Variants in SPATA12 observed in about 807,000 individuals in gnomAD.
SPATA12 encodes the protein spermatogenesis-associated protein 12.
For synonymous variants in SPATA12, 85 were observed against 89.2 expected (o/e 0.95, Z 0.26); for missense variants, 219 against 226.4 (o/e 0.97, Z 0.21).
chr3:57,061,088 G>T (rs1196539016), intron 1 of SPATA12, among the ~76,000 whole-genome samples: 1 of 151,958 alleles, frequency 6.6e-6, no homozygotes, highest in Non-Finnish European at 1.5e-5. Flanking sequence ...GAACTTTGTT[G>T]TCATTCTAAA....
At chr3:57,071,656 T>A (rs1355777229) in intron 1 of SPATA12, among the ~76,000 whole-genome samples, 1 of 117,030 alleles carries the variant, frequency 8.5e-6, no homozygotes, top group Admixed American at 9.0e-5. Context: ...CAAAACTCCA[T>A]CTCAAAAAAA....
intron 1 of SPATA12, among the ~76,000 whole-genome samples, chr3:57,062,152 G>A (rs904157529): frequency 4.7e-5 from 5 of 105,288 alleles, no homozygotes; most frequent in African/African-American, 1.5e-4. Context: ...GGATTTGTAG[G>A]AAGATCCCTG....
At position 57,065,228 on chromosome 3, in the gene SPATA12, G is replaced by A. The variant is rs527913765; in HGVS notation, c.-330+4442G>A. ...TGTAATCCCAGCACTTCGGGAGGCC[G>A]AGGCGGGCAGATAACTTGAGGTCAG... On this transcript the variant is annotated intron_variant, in intron 1 of 1. Coordinates refer to ENST00000334325, the MANE Select transcript of SPATA12 (RefSeq NM_181727.2). Among the ~76,000 whole-genome samples the A allele has an allele frequency of 6.6e-5, 10 of 152,328 alleles. No individual in the cohort carries two copies. In the South Asian group the frequency reaches 1.5e-3, roughly 22 times the overall value.
chr3:57,068,913 G>T (rs939926581), intron 1 of SPATA12, among the ~76,000 whole-genome samples: 8 of 149,606 alleles, frequency 5.3e-5, no homozygotes, highest in Non-Finnish European at 1.2e-4. Context: ...TAAGGCAAAA[G>T]ATCTGATTTT....
At chr3:57,064,260 G>A (rs967568293) in intron 1 of SPATA12, among the ~76,000 whole-genome samples, 2 of 151,926 alleles carry the variant, frequency 1.3e-5, no homozygotes, top group African/African-American at 4.8e-5. Context: ...GTGAGGCCCC[G>A]TCTCAAAAAA....
intron 1 of SPATA12, among the ~76,000 whole-genome samples, chr3:57,065,810 C>T (rs887474360): frequency 6.6e-6 from 1 of 152,118 alleles, no homozygotes; most frequent in Admixed American, 6.6e-5. Context: ...ACAAATGCTG[C>T]ATTAGCACAC....
intron 1 of SPATA12, among the ~76,000 whole-genome samples, chr3:57,065,047 G>A (rs574074485): frequency 6.6e-6 from 1 of 152,370 alleles, no homozygotes; most frequent in South Asian, 2.1e-4. Context: ...GTGTATAACT[G>A]TAGGGAGAAG....
rs762296145 is a variant in SPATA12, at chr3:57,073,835, CCA to C, written c.143_144del (p.His48LeufsTer32). ...GSSTQHPNKP[H>X]CALASCQGPG... ...CATCCACCCAACATCCCAACAAACCCCACTGTGCACTGGCATCATGCCAGGGT... is the reference window on the plus strand; with the variant it reads ...CATCCACCCAACATCCCAACAAACCCCTGTGCACTGGCATCATGCCAGGGT... On this transcript the variant is annotated frameshift_variant, in exon 2 of 2. Coordinates refer to ENST00000334325, the MANE Select transcript of SPATA12 (RefSeq NM_181727.2). LOFTEE classifies it low-confidence loss of function (END_TRUNC). 14 of 1,614,120 alleles carry C rather than the reference CCA, an allele frequency of 8.7e-6. No homozygotes were observed. In the Admixed American group the frequency reaches 2.3e-4, roughly 27 times the overall value.
chr3:57,074,216 C>A lies in SPATA12; in HGVS notation c.522C>A (p.Val174=). ...NQLTFTEGCF[V]RSLSTVYSNT... is the part of the protein sequence containing the mutation. ...TGACATTTACTGAGGGCTGCTTTGT[C>A]AGGTCCCTCTCTACAGTATACTCCA... Residue 174 remains valine, a synonymous_variant, in exon 2 of 2, where the codon GTC becomes GTA. Transcript: ENST00000334325. 6.2e-7 allele frequency: 1 copy of A among 1,614,036 alleles called. No homozygotes were observed. The highest frequency in any genetic ancestry group is 8.5e-7 in the Non-Finnish European group (1 of 1,180,024).
At chr3:57,069,029 C>A (rs908202620) in intron 1 of SPATA12, among the ~76,000 whole-genome samples, 3 of 150,922 alleles carry the variant, frequency 2.0e-5, no homozygotes, top group African/African-American at 4.9e-5. Flanking sequence ...TCAAGCAATT[C>A]TCTGCCTCAG....
At position 57,073,382 on chromosome 3, in the gene SPATA12, G is replaced by A; in HGVS notation, c.-313G>A. 1 of 301,654 alleles carries A rather than the reference G, an allele frequency of 3.3e-6. No homozygotes were observed. The highest frequency in any genetic ancestry group is 6.1e-6 in the Non-Finnish European group (1 of 162,808). The allele number at this position is 301,654 out of a possible 1,614,324, so 18.7% of individuals were successfully genotyped here. A position where few individuals can be genotyped will look rare whatever the true frequency, so the allele number is the denominator to read the frequency against. Reference sequence around the variant, plus strand: ...TGTTTCTAGCCAAAAGGGAAGGAAAGAGAGAGAAAGCCACTGGAGTTGGGC... The same window carrying A: ...TGTTTCTAGCCAAAAGGGAAGGAAAAAGAGAGAAAGCCACTGGAGTTGGGC... On this transcript the variant is annotated 5_prime_UTR_variant, in exon 2 of 2. Transcript: ENST00000334325.
At chr3:57,061,304 A>T (rs1046896370) in intron 1 of SPATA12, among the ~76,000 whole-genome samples, 4 of 151,270 alleles carry the variant, frequency 2.6e-5, no homozygotes, top group African/African-American at 4.9e-5. Context: ...ATTTATTATT[A>T]TTTTTTTTTT....
chr3:57,064,552 C>G (rs1034937767), intron 1 of SPATA12, among the ~76,000 whole-genome samples: 1 of 152,154 alleles, frequency 6.6e-6, no homozygotes, highest in Non-Finnish European at 1.5e-5. Context: ...AACCCCTGGG[C>G]TCAACATCCG....
At chr3:57,069,871 C>T (rs1424402517) in intron 1 of SPATA12, among the ~76,000 whole-genome samples, 1 of 152,192 alleles carries the variant, frequency 6.6e-6, no homozygotes, top group Non-Finnish European at 1.5e-5. Flanking sequence ...TCTCAAACTC[C>T]TAGCCTGAGG....
intron 1 of SPATA12, among the ~76,000 whole-genome samples, chr3:57,066,993 C>T (rs1705575420): frequency 6.6e-6 from 1 of 152,144 alleles, no homozygotes; most frequent in Non-Finnish European, 1.5e-5. Context: ...TGACACACAT[C>T]CTGTTGGTTC....
intron 1 of SPATA12, among the ~76,000 whole-genome samples, chr3:57,067,466 T>C (rs1183615313): frequency 6.8e-6 from 1 of 146,960 alleles, no homozygotes; most frequent in African/African-American, 2.5e-5. Context: ...ATAATAATAA[T>C]AATAATAATA....
intron 1 of SPATA12, among the ~76,000 whole-genome samples, chr3:57,068,896 A>C (rs1705716219): frequency 6.6e-6 from 1 of 151,946 alleles, no homozygotes; most frequent in African/African-American, 2.4e-5. Context: ...TAAATAAGGG[A>C]ATCTGCTAAG....
Position 57,074,639 on chromosome 3 carries a change from T to A in SPATA12, c.*372T>A. On this transcript the variant is annotated 3_prime_UTR_variant, in exon 2 of 2. Coordinates refer to ENST00000334325, the MANE Select transcript of SPATA12 (RefSeq NM_181727.2). ...CCGATCCTATACATTTTCATCTCTT[T>A]ATTGTTTCTATCAAAGCCTGCTAAG... 1 of 213,318 alleles carries A rather than the reference T, an allele frequency of 4.7e-6. No individual in the cohort carries two copies. The highest frequency in any genetic ancestry group is 1.0e-5 in the Non-Finnish European group (1 of 96,732). 13.2% of individuals were successfully genotyped at this position (213,318 alleles called of 1,614,324 possible).
chr3:57,063,347 G>A (rs1309137028), intron 1 of SPATA12, among the ~76,000 whole-genome samples: 1 of 152,188 alleles, frequency 6.6e-6, no homozygotes, highest in Non-Finnish European at 1.5e-5. Flanking sequence ...TGAGGGCTTT[G>A]AGCAGAGAAG....
Sources: allele counts gnomAD v4.1 joint callset (sites outside exome capture counted in the v4.1 genomes callset), GRCh38; gene constraint gnomAD v4.1.1; transcripts MANE v1.5; gene names NCBI Gene and HGNC (gene_info 2026-07-23, HGNC 2026-07-21).